FBXL7: variants seen among roughly 807,000 people sequenced by gnomAD.
FBXL7 encodes the protein F-box/LRR-repeat protein 7.
A neutral mutation model predicts 38.3 loss-of-function variants in FBXL7; 12 were observed. The observed-to-expected ratio is 0.31, with a 90% CI of 0.20 to 0.51. The LOEUF is 0.51. Ranked by LOEUF, FBXL7 falls within the 20% of genes least tolerant of loss-of-function variation. The pLI, the probability that FBXL7 is intolerant of heterozygous loss-of-function variation, is 0.98. For synonymous variants in FBXL7, 297 were observed against 300.9 expected (o/e 0.99, Z 0.13); for missense variants, 567 against 676.4 (o/e 0.84, Z 1.79).
chr5:15,573,395 T>C (rs1738850380), intron 1 of FBXL7, among the ~76,000 whole-genome samples: 1 of 152,170 alleles, frequency 6.6e-6, no homozygotes. Flanking sequence ...AATAAGATGG[T>C]CAAACCAGCT....
intron 2 of FBXL7, among the ~76,000 whole-genome samples, chr5:15,916,805 AG>A (rs1448022736): frequency 6.6e-6 from 1 of 152,200 alleles, no homozygotes; most frequent in Non-Finnish European, 1.5e-5. Context: ...CTCCAGCCAA[AG>A]GTTAATGGAG....
rs573572845 is a variant in FBXL7 at position 15,794,750 on chromosome 5, A to G, written c.128-133140A>G. ...ATACAAGGCTAACCAGTGATCACAC[A>G]ATTGTATGCTGACGTTAGTCTCCTC... On this transcript the variant is annotated intron_variant, in intron 2 of 3. Coordinates refer to ENST00000504595, the MANE Select transcript of FBXL7 (RefSeq NM_012304.5). Among the ~76,000 whole-genome samples, 5 of 152,304 alleles carry G rather than the reference A, an allele frequency of 3.3e-5. No homozygotes were observed. In the East Asian group the frequency reaches 7.7e-4, roughly 24 times the overall value.
intron 2 of FBXL7, among the ~76,000 whole-genome samples, chr5:15,757,635 C>G (rs989896850): frequency 1.3e-5 from 2 of 152,038 alleles, no homozygotes; most frequent in Non-Finnish European, 2.9e-5. Flanking sequence ...TCTCTGCCTT[C>G]CAGCTCTGTC....
intron 2 of FBXL7, among the ~76,000 whole-genome samples, chr5:15,735,920 G>A (rs1005323788): frequency 1.3e-5 from 2 of 152,180 alleles, no homozygotes; most frequent in Admixed American, 6.5e-5. Context: ...CAACTTAGAG[G>A]TCACTGGAGA....
intron 1 of FBXL7, among the ~76,000 whole-genome samples, chr5:15,516,770 T>C (rs575738198): frequency 6.6e-6 from 1 of 152,266 alleles, no homozygotes; most frequent in Non-Finnish European, 1.5e-5. Flanking sequence ...TCACGAGATC[T>C]GACGGTTTTA....
intron 2 of FBXL7, among the ~76,000 whole-genome samples, chr5:15,854,956 A>G (rs1739211999): frequency 6.6e-6 from 1 of 152,208 alleles, no homozygotes; most frequent in African/African-American, 2.4e-5. Flanking sequence ...ATTGTTTACA[A>G]TAAAACAAAA....
intron 2 of FBXL7, among the ~76,000 whole-genome samples, chr5:15,846,856 AAG>A (rs1275215250): frequency 6.6e-6 from 1 of 152,212 alleles, no homozygotes; most frequent in African/African-American, 2.4e-5. Flanking sequence ...ATGATGTAAA[AAG>A]TTAATTCACA....
chr5:15,527,158 A>G (rs181827092), intron 1 of FBXL7, among the ~76,000 whole-genome samples: 5 of 152,312 alleles, frequency 3.3e-5, no homozygotes, highest in East Asian at 1.9e-4. Flanking sequence ...TTTGCTTTTA[A>G]GCTAACTTGA....
At chr5:15,656,543 A>G (rs1282310442) in intron 2 of FBXL7, among the ~76,000 whole-genome samples, 3 of 152,198 alleles carry the variant, frequency 2.0e-5, no homozygotes, top group African/African-American at 4.8e-5. Context: ...TGAGAACAGT[A>G]TGGTGGAAAC....
intron 1 of FBXL7, among the ~76,000 whole-genome samples, chr5:15,533,685 G>A (rs899097549): frequency 6.6e-6 from 1 of 152,182 alleles, no homozygotes; most frequent in African/African-American, 2.4e-5. Context: ...TGCCAGTATT[G>A]TATAAGATGG....
At chr5:15,637,488 A>G (rs1741224652) in intron 2 of FBXL7, among the ~76,000 whole-genome samples, 1 of 152,248 alleles carries the variant, frequency 6.6e-6, no homozygotes, top group Non-Finnish European at 1.5e-5. Context: ...GTATCATATA[A>G]TAGGACAGAG....
chr5:15,611,312 T>C (rs779891746), intron 1 of FBXL7, among the ~76,000 whole-genome samples: 22 of 80,120 alleles, frequency 2.7e-4, no homozygotes, highest in Non-Finnish European at 4.1e-4. Flanking sequence ...GTTTTGCCAC[T>C]TTTTTTTTTT....
intron 2 of FBXL7, among the ~76,000 whole-genome samples, chr5:15,833,195 T>C (rs574884597): frequency 6.6e-6 from 1 of 152,278 alleles, no homozygotes; most frequent in Admixed American, 6.5e-5. Context: ...ACAACAGAAA[T>C]CTACTTCTTA....
At chr5:15,569,774 A>G (rs1353327740) in intron 1 of FBXL7, among the ~76,000 whole-genome samples, 2 of 152,142 alleles carry the variant, frequency 1.3e-5, no homozygotes, top group Non-Finnish European at 1.5e-5. Flanking sequence ...ATCAATACCT[A>G]ATTTATTGAG....
At chr5:15,533,948 TC>T (rs1164971735) in intron 1 of FBXL7, among the ~76,000 whole-genome samples, 1 of 152,246 alleles carries the variant, frequency 6.6e-6, no homozygotes, top group Non-Finnish European at 1.5e-5. Flanking sequence ...CACCTTTTTT[TC>T]CCCCTTTTTT....
rs563437182 is a variant in FBXL7, at chr5:15,937,590, A to G, written c.*404A>G. 5.7e-6 allele frequency: 1 copy of G among 175,202 alleles called. No homozygotes were observed. Among genetic ancestry groups the G allele is most frequent in the Admixed American group, 6.6e-5 (1 of 15,250 alleles). The allele number at this position is 175,202 out of a possible 1,614,324, so 10.9% of individuals were successfully genotyped here. On this transcript the variant is annotated 3_prime_UTR_variant, in exon 4 of 4. Coordinates refer to ENST00000504595, the MANE Select transcript of FBXL7 (RefSeq NM_012304.5). ...ACCCTCCCTCCCTAGAGCAGCAGCG[A>G]GGATCCATCATCAGAATCACAGTGC...
chr5:15,645,648 A>T (rs1382924235), intron 2 of FBXL7, among the ~76,000 whole-genome samples: 1 of 152,214 alleles, frequency 6.6e-6, no homozygotes, highest in Non-Finnish European at 1.5e-5. Context: ...AACTTTCTGA[A>T]TTAACTGAGA....
chr5:15,921,545 AT>A (rs1387808068), intron 2 of FBXL7, among the ~76,000 whole-genome samples: 3 of 152,158 alleles, frequency 2.0e-5, no homozygotes, highest in African/African-American at 7.2e-5. Flanking sequence ...TTTTCAATTC[AT>A]GCAATTATTC....
rs537822479 is a variant in FBXL7, at chr5:15,756,674, C to A, written c.127+140602C>A. Among the ~76,000 whole-genome samples, 3 of 152,096 alleles carry A rather than the reference C, an allele frequency of 2.0e-5. No individual in the cohort carries two copies. In the South Asian group the frequency reaches 6.2e-4, roughly 32 times the overall value. ...GGCTTTGCAAGTCAAGTCTGCATGG[C>A]AAAAAAGGTGTCCACAAGTGTGAAT... is the stretch of plus-strand genomic sequence containing the variant. On this transcript the variant is annotated intron_variant, in intron 2 of 3. Coordinates refer to ENST00000504595, the MANE Select transcript of FBXL7 (RefSeq NM_012304.5).
Sources: gnomAD v4.1 joint callset for allele counts (sites outside exome capture counted in the v4.1 genomes callset) on GRCh38, gnomAD v4.1.1 for gene constraint, MANE v1.5 for transcripts, NCBI Gene and HGNC (gene_info 2026-07-23, HGNC 2026-07-21) for gene names.